Variants in CCSER1 observed in about 807,000 individuals in gnomAD.
CCSER1 encodes the protein coiled-coil serine rich protein 1, also known as serine-rich coiled-coil domain-containing protein 1.
CCSER1 carries 41 observed loss-of-function variants against 82.0 expected under a neutral mutation model. The observed-to-expected ratio is 0.50, with a 90% CI of 0.39 to 0.65. CCSER1 has a LOEUF of 0.65. Ranked by LOEUF, CCSER1 falls within the 30% of genes least tolerant of loss-of-function variation. The pLI, the probability that CCSER1 is intolerant of heterozygous loss-of-function variation, is 0.00. For missense variants in CCSER1, 1,119 were observed against 1,064.2 expected (o/e 1.05, Z -0.72); for synonymous variants, 414 against 383.9 (o/e 1.08, Z -0.92).
chr4:91,036,653 C>T (rs150719717), intron 9 of CCSER1, among the ~76,000 whole-genome samples: 1 of 151,950 alleles, frequency 6.6e-6, no homozygotes, highest in East Asian at 1.9e-4. Flanking sequence ...ATAATATAAA[C>T]ATAAAACCAG....
At chr4:90,578,854 G>A (rs1343429866) in intron 5 of CCSER1, among the ~76,000 whole-genome samples, 3 of 152,070 alleles carry the variant, frequency 2.0e-5, no homozygotes, top group Non-Finnish European at 4.4e-5. Flanking sequence ...TTTATAGATT[G>A]TATCTACTTC....
intron 10 of CCSER1, among the ~76,000 whole-genome samples, chr4:91,094,810 G>C (rs1724338901): frequency 6.6e-6 from 1 of 152,080 alleles, no homozygotes; most frequent in African/African-American, 2.4e-5. Context: ...CTTCTTCTCA[G>C]GGGACTGTAA....
intron 1 of CCSER1, among the ~76,000 whole-genome samples, chr4:90,217,484 C>A (rs186304142): frequency 1.3e-5 from 2 of 152,178 alleles, no homozygotes; most frequent in African/African-American, 4.8e-5. Flanking sequence ...AGGCATGAGC[C>A]ACCATGCCCA....
intron 6 of CCSER1, among the ~76,000 whole-genome samples, chr4:90,686,207 G>A (rs908324562): frequency 6.6e-6 from 1 of 152,050 alleles, no homozygotes; most frequent in African/African-American, 2.4e-5. Flanking sequence ...AGGCCTCAGA[G>A]CTTCATCCAC....
chr4:90,700,410 C>G (rs1014331375), intron 6 of CCSER1, among the ~76,000 whole-genome samples: 2 of 152,114 alleles, frequency 1.3e-5, no homozygotes, highest in Non-Finnish European at 2.9e-5. Context: ...TGGGTTGGTT[C>G]CAAGTCTTTG....
intron 5 of CCSER1, among the ~76,000 whole-genome samples, chr4:90,517,512 G>A (rs1455159143): frequency 1.3e-5 from 2 of 152,068 alleles, no homozygotes; most frequent in Non-Finnish European, 2.9e-5. Flanking sequence ...AATGAGTTAA[G>A]GATGTTGACC....
chr4:90,188,842 A>G (rs1735108764), intron 1 of CCSER1, among the ~76,000 whole-genome samples: 1 of 151,994 alleles, frequency 6.6e-6, no homozygotes, highest in African/African-American at 2.4e-5. Flanking sequence ...CTTCAAAGAG[A>G]AGTGACCTGA....
chr4:90,870,023 GCA>G (rs1424300952), intron 8 of CCSER1, among the ~76,000 whole-genome samples: 4 of 151,818 alleles, frequency 2.6e-5, no homozygotes, highest in African/African-American at 7.2e-5. Context: ...ATCAAGAAAT[GCA>G]CAGATTCTTG....
intron 5 of CCSER1, among the ~76,000 whole-genome samples, chr4:90,525,119 T>TA (rs77522371): frequency 7.2e-4 from 109 of 150,940 alleles, no homozygotes; most frequent in Middle Eastern, 3.4e-3. Flanking sequence ...TCATTTTTTT[T>TA]AAAAAAAAAG....
At chr4:91,407,613 C>T (rs1752779335) in intron 10 of CCSER1, among the ~76,000 whole-genome samples, 1 of 152,180 alleles carries the variant, frequency 6.6e-6, no homozygotes, top group Non-Finnish European at 1.5e-5. Flanking sequence ...CATCATGTAG[C>T]TTCTGCTTCT....
chr4:90,918,146 C>G, intron 8 of CCSER1: 1 of 375,710 alleles, frequency 2.7e-6, no homozygotes, highest in Non-Finnish European at 5.3e-6. Context: ...CTATTATATA[C>G]TAGTGTCTGT....
intron 10 of CCSER1, among the ~76,000 whole-genome samples, chr4:91,511,886 G>A (rs902392045): frequency 3.3e-5 from 5 of 152,108 alleles, no homozygotes; most frequent in Non-Finnish European, 5.9e-5. Flanking sequence ...AATGTAATGC[G>A]CTTGAATCAT....
intron 5 of CCSER1, among the ~76,000 whole-genome samples, chr4:90,578,944 T>C (rs976312503): frequency 2.0e-5 from 3 of 152,150 alleles, no homozygotes; most frequent in African/African-American, 7.2e-5. Context: ...TTGGTACTAA[T>C]GATACAAGAA....
chr4:91,083,328 T>G (rs902169818), intron 9 of CCSER1, among the ~76,000 whole-genome samples: 5 of 151,798 alleles, frequency 3.3e-5, no homozygotes, highest in African/African-American at 9.7e-5. Flanking sequence ...ACCAAACACC[T>G]CATGTTCTCA....
intron 10 of CCSER1, among the ~76,000 whole-genome samples, chr4:91,106,800 A>G (rs1291619443): frequency 2.6e-5 from 4 of 152,158 alleles, no homozygotes; most frequent in Admixed American, 6.6e-5. Flanking sequence ...GTCCTCCATG[A>G]TAACCTCCAA....
At chr4:91,340,137 T>C (rs1474915986) in intron 10 of CCSER1, among the ~76,000 whole-genome samples, 1 of 151,980 alleles carries the variant, frequency 6.6e-6, no homozygotes, top group East Asian at 1.9e-4. Flanking sequence ...AAAAGATTAA[T>C]TTATAAGTTT....
At chr4:90,165,635 TG>T (rs1730312115) in intron 1 of CCSER1, among the ~76,000 whole-genome samples, 1 of 152,068 alleles carries the variant, frequency 6.6e-6, no homozygotes, top group African/African-American at 2.4e-5. Context: ...AAGACAGATG[TG>T]TAAATAGATT....
chr4:90,820,072 C>A lies in CCSER1; in HGVS notation c.2094+4227C>A, dbSNP rs181363459. The stretch of plus-strand genomic sequence containing the variant: ...CCTCTGCATTAAATAAGAAATAGAG[C>A]AAAGGAAAAATTTCTTCTCTTCATC... On this transcript the variant is annotated intron_variant, in intron 8 of 10. Coordinates refer to ENST00000509176, the MANE Select transcript of CCSER1 (RefSeq NM_001145065.2). 1.4e-4 allele frequency among the ~76,000 whole-genome samples: 21 copies of A among 152,234 alleles called. No individual in the cohort carries two copies. The East Asian group carries it at 4.1e-3, about 29-fold the overall frequency.
intron 5 of CCSER1, among the ~76,000 whole-genome samples, chr4:90,578,309 C>T (rs1229294714): frequency 6.6e-6 from 1 of 151,974 alleles, no homozygotes; most frequent in Non-Finnish European, 1.5e-5. Flanking sequence ...TCAGCAAGAC[C>T]ACTTTTCTTT....
Sources: allele counts gnomAD v4.1 joint callset (sites outside exome capture counted in the v4.1 genomes callset), GRCh38; gene constraint gnomAD v4.1.1; transcripts MANE v1.5; gene names NCBI Gene and HGNC (gene_info 2026-07-23, HGNC 2026-07-21).